The following SKAP2 variants were observed in gnomAD, a reference collection of about 807,000 sequenced individuals.
SKAP2 encodes the protein src kinase associated phosphoprotein 2.
In SKAP2, 28 loss-of-function variants were observed where a neutral mutation model predicts 54.9. The observed-to-expected ratio is 0.51, with a 90% CI of 0.38 to 0.70. SKAP2 has a LOEUF of 0.70. Ranked by LOEUF, SKAP2 falls within the 30% of genes least tolerant of loss-of-function variation. The pLI, the probability that SKAP2 is intolerant of heterozygous loss-of-function variation, is 0.00. For missense variants in SKAP2, 356 were observed against 424.1 expected (o/e 0.84, Z 1.41); for synonymous variants, 137 against 134.3 (o/e 1.02, Z -0.14).
In SKAP2 at chr7:26,857,574, A is replaced by G. The variant is rs931037693; in HGVS notation, c.68-2684T>C. 1.0e-5 allele frequency: 10 copies of G among 985,298 alleles called. No individual in the cohort carries two copies. In the African/African-American group the frequency reaches 1.7e-4, roughly 17 times the overall value. The allele number at this position is 985,298 out of a possible 1,614,324, so 61.0% of individuals were successfully genotyped here. ...TCCTGATCTCGCAACGCAAAGACAG[A>G]CCAAGCGCCGCAAAGAAGTTGTAGG... On this transcript the variant is annotated intron_variant, in intron 1 of 12. Transcript: ENST00000345317.
intron 4 of SKAP2, among the ~76,000 whole-genome samples, chr7:26,751,895 G>A (rs1049289102): frequency 6.6e-6 from 1 of 151,924 alleles, no homozygotes; most frequent in Admixed American, 6.6e-5. Flanking sequence ...GGGAGGGAGG[G>A]GGAGGATGGA....
At chr7:26,811,033 T>C (rs750371771) in intron 4 of SKAP2, among the ~76,000 whole-genome samples, 1 of 152,098 alleles carries the variant, frequency 6.6e-6, no homozygotes, top group Non-Finnish European at 1.5e-5. Flanking sequence ...AAAATAAAAA[T>C]AAAATGAAGT....
intron 11 of SKAP2, among the ~76,000 whole-genome samples, chr7:26,676,874 C>T (rs1480124718): frequency 6.6e-6 from 1 of 152,106 alleles, no homozygotes; most frequent in African/African-American, 2.4e-5. Context: ...GGCTGAGACT[C>T]CAGAAGGAAT....
At chr7:26,748,080 T>A (rs966491841) in intron 4 of SKAP2, among the ~76,000 whole-genome samples, 1 of 152,198 alleles carries the variant, frequency 6.6e-6, no homozygotes, top group African/African-American at 2.4e-5. Flanking sequence ...TTAACATACA[T>A]TTAAGTATAC....
chr7:26,777,077 A>G (rs1584383887), intron 4 of SKAP2, among the ~76,000 whole-genome samples: 2 of 152,300 alleles, frequency 1.3e-5, no homozygotes, highest in East Asian at 3.9e-4. Flanking sequence ...AGTTGAAATC[A>G]TTAATTGGTT....
intron 10 of SKAP2, among the ~76,000 whole-genome samples, chr7:26,689,725 C>T (rs1317606822): frequency 6.6e-6 from 1 of 152,160 alleles, no homozygotes; most frequent in Non-Finnish European, 1.5e-5. Context: ...AATTAGCAGT[C>T]TTAAGTTTAT....
chr7:26,844,061 T>C lies in SKAP2; in HGVS notation c.276A>G (p.Arg92=), dbSNP rs1457252654. The C allele has an allele frequency of 1.1e-5, 17 of 1,612,002 alleles. No individual in the cohort carries two copies. The highest frequency in any genetic ancestry group is 1.7e-5 in the Admixed American group (1 of 59,942). ...PPDTISLASE[R]YDKDDEAPSD... ...AGGGGGCTTCATCGTCTTTATCATA[T>C]CGTTCTGAGGCTAATGAAATAGTGT... Residue 92 remains arginine, a synonymous_variant, in exon 4 of 13, where the codon CGA becomes CGG. Coordinates refer to ENST00000345317, the MANE Select transcript of SKAP2 (RefSeq NM_003930.5).
At chr7:26,698,971 T>C (rs950745319) in intron 9 of SKAP2, among the ~76,000 whole-genome samples, 3 of 152,204 alleles carry the variant, frequency 2.0e-5, no homozygotes, top group African/African-American at 7.2e-5. Flanking sequence ...TCTTAGGTTG[T>C]GTCATAGTTG....
chr7:26,721,028 A>C (rs917116511), intron 9 of SKAP2, among the ~76,000 whole-genome samples: 2 of 152,218 alleles, frequency 1.3e-5, no homozygotes, highest in Admixed American at 1.3e-4. Flanking sequence ...AGTTTAAGAA[A>C]AAATAATGTT....
intron 4 of SKAP2, among the ~76,000 whole-genome samples, chr7:26,784,852 G>A (rs1389990031): frequency 2.0e-5 from 3 of 152,114 alleles, no homozygotes; most frequent in Non-Finnish European, 4.4e-5. Context: ...GTATACTGAT[G>A]TCTGCAATTT....
chr7:26,844,834 T>C (rs1193922538), intron 3 of SKAP2, among the ~76,000 whole-genome samples: 1 of 152,144 alleles, frequency 6.6e-6, no homozygotes, highest in East Asian at 1.9e-4. Context: ...TTTTTAATGT[T>C]CTGGCCAGTT....
At chr7:26,685,654 T>C (rs534507052) in intron 10 of SKAP2, among the ~76,000 whole-genome samples, 1 of 152,184 alleles carries the variant, frequency 6.6e-6, no homozygotes, top group Non-Finnish European at 1.5e-5. Flanking sequence ...GACCATTAAC[T>C]GATTGATTAT....
chr7:26,706,904 G>A (rs1005377662), intron 9 of SKAP2, among the ~76,000 whole-genome samples: 1 of 152,096 alleles, frequency 6.6e-6, no homozygotes, highest in Non-Finnish European at 1.5e-5. Flanking sequence ...GGGTCTGGAT[G>A]GATCTCTATT....
rs576901999 is a variant in SKAP2 at position 26,793,000 on chromosome 7, A to C, written c.307+51030T>G. 9.6e-4 allele frequency among the ~76,000 whole-genome samples: 146 copies of C among 152,356 alleles called. 1 individual carries two copies. The highest frequency in any genetic ancestry group is 3.4e-3 in the African/African-American group (141 of 41,588). ...ATAAAGCTCTCAGGAAGTTTTCTTC[A>C]TGATTTTTCCCTTTAAGAAACGAAT... On this transcript the variant is annotated intron_variant, in intron 4 of 12. Transcript: ENST00000345317.
downstream of SKAP2, among the ~76,000 whole-genome samples, chr7:26,665,766 T>C (rs1372205543): frequency 1.3e-5 from 2 of 152,158 alleles, no homozygotes; most frequent in Non-Finnish European, 2.9e-5. Context: ...AACTCAACTA[T>C]AAAGCAGTAG....
At chr7:26,687,127 A>G (rs895921518) in intron 10 of SKAP2, among the ~76,000 whole-genome samples, 1 of 151,172 alleles carries the variant, frequency 6.6e-6, no homozygotes, top group African/African-American at 2.4e-5. Flanking sequence ...TTTCTAACAC[A>G]TAATCCTTAT....
chr7:26,767,255 A>T (rs4722635), intron 4 of SKAP2, among the ~76,000 whole-genome samples: 150,701 of 152,256 alleles, frequency 0.99, 74,605 homozygotes, highest in Non-Finnish European at 1. Context: ...TTTATTTGCA[A>T]GGAGGTGTTT....
chr7:26,722,911 G>A (rs1333193043), intron 9 of SKAP2, among the ~76,000 whole-genome samples: 1 of 152,108 alleles, frequency 6.6e-6, no homozygotes, highest in Non-Finnish European at 1.5e-5. Flanking sequence ...CAACTAAGAG[G>A]ATTAGTTTTC....
At chr7:26,838,302 C>T (rs1784754636) in intron 4 of SKAP2, among the ~76,000 whole-genome samples, 1 of 152,052 alleles carries the variant, frequency 6.6e-6, no homozygotes. Context: ...CCCTCCACTC[C>T]TTCCTATTCA....
Sources: gnomAD v4.1 joint callset for allele counts (sites outside exome capture counted in the v4.1 genomes callset) on GRCh38, gnomAD v4.1.1 for gene constraint, MANE v1.5 for transcripts, NCBI Gene and HGNC (gene_info 2026-07-23, HGNC 2026-07-21) for gene names.